The following NKAIN2 variants were observed in gnomAD, a reference collection of about 807,000 sequenced individuals.
NKAIN2 encodes the protein sodium/potassium transporting ATPase interacting 2, also known as sodium/potassium-transporting ATPase subunit beta-1-interacting protein 2.
Under a neutral mutation model 32.6 loss-of-function variants are expected in NKAIN2, and 14 were observed. The observed-to-expected ratio is 0.43, with a 90% CI of 0.28 to 0.67. NKAIN2 has a LOEUF of 0.67. Among genes scored for constraint, NKAIN2 ranks in the 30% least tolerant of loss-of-function variants. The pLI is 0.17. For synonymous variants in NKAIN2, 80 were observed against 87.2 expected, an observed-to-expected ratio of 0.92 and a Z score of 0.46; for missense variants, 198 against 258.3, an observed-to-expected ratio of 0.77 and a Z score of 1.60.
chr6:124,552,420 C>A (rs1274110147), intron 3 of NKAIN2, among the ~76,000 whole-genome samples: 3 of 152,206 alleles, frequency 2.0e-5, no homozygotes, highest in Admixed American at 6.5e-5. Context: ...CAATCTTCAG[C>A]TCATATCCTT....
intron 1 of NKAIN2, among the ~76,000 whole-genome samples, chr6:124,009,066 A>G (rs1297096897): frequency 6.6e-6 from 1 of 152,210 alleles, no homozygotes; most frequent in African/African-American, 2.4e-5. Context: ...GCTCTATTTG[A>G]TGTATAAATT....
intron 1 of NKAIN2, among the ~76,000 whole-genome samples, chr6:124,244,146 T>G (rs946786590): frequency 2.0e-5 from 3 of 151,714 alleles, no homozygotes; most frequent in African/African-American, 7.3e-5. Flanking sequence ...TTGTGCAGGT[T>G]AGTTACATAT....
At chr6:124,278,780 G>A (rs1380275364) in intron 1 of NKAIN2, among the ~76,000 whole-genome samples, 1 of 149,634 alleles carries the variant, frequency 6.7e-6, no homozygotes, top group East Asian at 2.0e-4. Context: ...TTAGCAACCA[G>A]AATTGACCCA....
At chr6:124,313,434 A>G (rs920872673) in intron 2 of NKAIN2, among the ~76,000 whole-genome samples, 1 of 152,112 alleles carries the variant, frequency 6.6e-6, no homozygotes, top group African/African-American at 2.4e-5. Flanking sequence ...TATTCTCATT[A>G]GTTCAGTTTA....
At chr6:124,587,021 G>C (rs1781735902) in intron 3 of NKAIN2, among the ~76,000 whole-genome samples, 1 of 152,178 alleles carries the variant, frequency 6.6e-6, no homozygotes, top group Non-Finnish European at 1.5e-5. Flanking sequence ...CTAGTTTCCA[G>C]GGACTGGGGT....
rs142507241 is a variant in NKAIN2, at chr6:124,561,026, A to T, written c.274-97160A>T. On this transcript the variant is annotated intron_variant, in intron 3 of 6. Coordinates refer to ENST00000368417, the MANE Select transcript of NKAIN2 (RefSeq NM_001040214.3). ...AAAAGCAGGAATTTCTGGGCAGGTC[A>T]CCTAGGAAAAGAGGCCAAGTCCTCA... is the stretch of plus-strand genomic sequence containing the variant. Among the ~76,000 whole-genome samples, 189 of 152,252 alleles carry T rather than the reference A, an allele frequency of 1.2e-3. 3 individuals carry two copies. Among genetic ancestry groups the T allele is most frequent in the East Asian group, 3.9e-3 (20 of 5,176 alleles).
At chr6:124,262,274 C>T (rs946856061) in intron 1 of NKAIN2, among the ~76,000 whole-genome samples, 6 of 152,062 alleles carry the variant, frequency 3.9e-5, no homozygotes, top group African/African-American at 1.4e-4. Flanking sequence ...ATTCCATTGC[C>T]GTCCTGGAAG....
chr6:123,873,636 A>T (rs1447912109), intron 1 of NKAIN2, among the ~76,000 whole-genome samples: 1 of 152,192 alleles, frequency 6.6e-6, no homozygotes, highest in Non-Finnish European at 1.5e-5. Context: ...AAAGAGAAGT[A>T]GGCAGATTCT....
chr6:123,873,688 A>G (rs927676977), intron 1 of NKAIN2, among the ~76,000 whole-genome samples: 1 of 152,190 alleles, frequency 6.6e-6, no homozygotes, highest in Non-Finnish European at 1.5e-5. Flanking sequence ...ATATTTATGG[A>G]GAATAGATAA....
chr6:124,285,393 C>G (rs1795491679), intron 2 of NKAIN2, among the ~76,000 whole-genome samples: 1 of 152,020 alleles, frequency 6.6e-6, no homozygotes, highest in Non-Finnish European at 1.5e-5. Context: ...ATCCCCTTAA[C>G]CAGACCCATA....
chr6:124,108,535 T>C (rs904201483), intron 1 of NKAIN2, among the ~76,000 whole-genome samples: 4 of 152,096 alleles, frequency 2.6e-5, no homozygotes, highest in Non-Finnish European at 5.9e-5. Flanking sequence ...CAGAAGCTTC[T>C]TAGTTTGATA....
At chr6:124,765,688 AGATACT>A (rs1404770332) in intron 4 of NKAIN2, among the ~76,000 whole-genome samples, 1 of 152,194 alleles carries the variant, frequency 6.6e-6, no homozygotes, top group Non-Finnish European at 1.5e-5. Flanking sequence ...CCCCCTTGGT[AGATACT>A]GAATTTCTCT....
At chr6:123,930,332 T>C (rs1243929092) in intron 1 of NKAIN2, among the ~76,000 whole-genome samples, 1 of 152,166 alleles carries the variant, frequency 6.6e-6, no homozygotes, top group Non-Finnish European at 1.5e-5. Flanking sequence ...ATTTTTCAGA[T>C]TACATAATTA....
In NKAIN2 at chr6:124,371,420, G is replaced by T. The variant is rs540523522; in HGVS notation, c.273+16073G>T. 2.6e-5 allele frequency among the ~76,000 whole-genome samples: 4 copies of T among 152,112 alleles called. No homozygotes were observed. In the East Asian group the frequency reaches 7.8e-4, roughly 29 times the overall value. ...TTTTAACAGTGTAAGTTGGTCAAGA[G>T]CAGTGGCTCACACCTGTAATCCCAG... On this transcript the variant is annotated intron_variant, in intron 3 of 6. Coordinates refer to ENST00000368417, the MANE Select transcript of NKAIN2 (RefSeq NM_001040214.3).
intron 3 of NKAIN2, among the ~76,000 whole-genome samples, chr6:124,356,126 C>T (rs904316780): frequency 7.2e-5 from 11 of 152,136 alleles, no homozygotes; most frequent in Non-Finnish European, 1.6e-4. Context: ...CTTTTACTTA[C>T]CCTGTATTAG....
At chr6:124,473,090 T>C (rs1031235709) in intron 3 of NKAIN2, among the ~76,000 whole-genome samples, 4 of 152,212 alleles carry the variant, frequency 2.6e-5, no homozygotes, top group Admixed American at 1.3e-4. Context: ...CCAAATTTAA[T>C]GTAATGCTTT....
chr6:124,379,963 G>A (rs138183849), intron 3 of NKAIN2, among the ~76,000 whole-genome samples: 92 of 152,098 alleles, frequency 6.0e-4, no homozygotes, highest in African/African-American at 2.1e-3. Flanking sequence ...AAGAGGAGGG[G>A]ATCAGGCACT....
At chr6:124,038,341 C>A (rs60911336) in intron 1 of NKAIN2, among the ~76,000 whole-genome samples, 5,621 of 151,752 alleles carry the variant, frequency 0.037, 338 homozygotes, top group African/African-American at 0.13. Context: ...CAGCCTCCTG[C>A]GTATCTGGGA....
intron 2 of NKAIN2, among the ~76,000 whole-genome samples, chr6:124,353,750 G>A (rs1583107291): frequency 2.3e-5 from 3 of 131,402 alleles, no homozygotes; most frequent in Admixed American, 1.6e-4. Flanking sequence ...GCGAGACTCC[G>A]TCTCAAAAAA....
Sources: gnomAD v4.1 joint callset for allele counts (sites outside exome capture counted in the v4.1 genomes callset) on GRCh38, gnomAD v4.1.1 for gene constraint, MANE v1.5 for transcripts, NCBI Gene and HGNC (gene_info 2026-07-23, HGNC 2026-07-21) for gene names.